Variants in BBX observed in about 807,000 individuals in gnomAD.
The protein encoded by BBX is BBX high mobility group box domain containing.
In BBX, 30 loss-of-function variants were observed where a neutral mutation model predicts 100.2. The ratio of observed to expected loss-of-function variants is 0.30; its 90% CI spans 0.22 to 0.41. BBX has a LOEUF of 0.41. Ranked by LOEUF, BBX falls within the 10% of genes least tolerant of loss-of-function variation. The pLI, the probability that BBX is intolerant of heterozygous loss-of-function variation, is 1.00. For missense variants in BBX, 1,023 were observed against 1,129.8 expected, an observed-to-expected ratio of 0.91 and a Z score of 1.35; for synonymous variants, 376 against 388.1, an observed-to-expected ratio of 0.97 and a Z score of 0.37.
chr3:107,575,168 T>G (rs976303041), intron 2 of BBX, among the ~76,000 whole-genome samples: 15 of 152,230 alleles, frequency 9.9e-5, no homozygotes, highest in Admixed American at 9.2e-4. Context: ...AGAATTTACT[T>G]TCTTTACTTG....
At chr3:107,624,855 C>T (rs1199485932) in intron 2 of BBX, among the ~76,000 whole-genome samples, 1 of 151,992 alleles carries the variant, frequency 6.6e-6, no homozygotes, top group Non-Finnish European at 1.5e-5. Context: ...AGCAACAGAG[C>T]AAGACTCCAT....
intron 3 of BBX, among the ~76,000 whole-genome samples, chr3:107,657,935 T>C (rs961910509): frequency 6.6e-6 from 1 of 152,008 alleles, no homozygotes; most frequent in Non-Finnish European, 1.5e-5. Flanking sequence ...ATCAGATCTG[T>C]GGTGGGAAAA....
At chr3:107,804,214 A>C (rs2070847368) in intron 17 of BBX, among the ~76,000 whole-genome samples, 1 of 152,288 alleles carries the variant, frequency 6.6e-6, no homozygotes, top group Admixed American at 6.5e-5. Flanking sequence ...CAATTTGTCT[A>C]CATTATTTTT....
chr3:107,665,033 T>A (rs570308311), intron 3 of BBX, among the ~76,000 whole-genome samples: 2 of 152,196 alleles, frequency 1.3e-5, no homozygotes, highest in Non-Finnish European at 2.9e-5. Context: ...AATGGGTACT[T>A]CGTGTTTTAT....
chr3:107,676,564 C>A (rs995858931), intron 3 of BBX, among the ~76,000 whole-genome samples: 2 of 152,142 alleles, frequency 1.3e-5, no homozygotes, highest in African/African-American at 2.4e-5. Context: ...TGATGCTAAT[C>A]TTTTATCATC....
intron 2 of BBX, among the ~76,000 whole-genome samples, chr3:107,570,891 G>T (rs1355568459): frequency 6.6e-6 from 1 of 152,094 alleles, no homozygotes; most frequent in Non-Finnish European, 1.5e-5. Flanking sequence ...CTGATGTGTA[G>T]TAAAGAATGC....
chr3:107,751,742 G>T (rs545617577), intron 9 of BBX, among the ~76,000 whole-genome samples: 18 of 151,226 alleles, frequency 1.2e-4, no homozygotes, highest in African/African-American at 4.1e-4. Flanking sequence ...ACAGACTGCA[G>T]GGACAGTTTC....
chr3:107,549,494 G>A (rs927888910), intron 2 of BBX, among the ~76,000 whole-genome samples: 5 of 152,148 alleles, frequency 3.3e-5, no homozygotes, highest in Non-Finnish European at 7.4e-5. Context: ...CAAAGATAGC[G>A]AACAGTGTGC....
At chr3:107,595,803 C>T (rs1399240545) in intron 2 of BBX, among the ~76,000 whole-genome samples, 3 of 152,126 alleles carry the variant, frequency 2.0e-5, no homozygotes, top group Non-Finnish European at 2.9e-5. Flanking sequence ...TTGAACAACA[C>T]GGGGTTTAAC....
At chr3:107,718,276 T>G (rs896849539) in intron 5 of BBX, among the ~76,000 whole-genome samples, 1 of 145,202 alleles carries the variant, frequency 6.9e-6, no homozygotes, top group Non-Finnish European at 1.5e-5. Context: ...GATTATAATA[T>G]GATTGTTAAT....
chr3:107,586,997 T>A (rs368725302), intron 2 of BBX, among the ~76,000 whole-genome samples: 8 of 151,950 alleles, frequency 5.3e-5, no homozygotes, highest in African/African-American at 1.9e-4. Context: ...GTGATCCATC[T>A]CTCTCGGCCT....
intron 3 of BBX, among the ~76,000 whole-genome samples, chr3:107,666,816 C>T (rs776104969): frequency 2.0e-4 from 30 of 152,126 alleles, no homozygotes; most frequent in Non-Finnish European, 3.1e-4. Context: ...ATGATCCACC[C>T]GCCTCGGCCT....
At chr3:107,720,467 G>C (rs2062451804) in intron 5 of BBX, among the ~76,000 whole-genome samples, 1 of 151,956 alleles carries the variant, frequency 6.6e-6, no homozygotes, top group Non-Finnish European at 1.5e-5. Flanking sequence ...AAAAGGGTAA[G>C]AGTAGAAGTG....
chr3:107,549,307 G>A (rs1225238488), intron 2 of BBX, among the ~76,000 whole-genome samples: 1 of 152,004 alleles, frequency 6.6e-6, no homozygotes. Context: ...CTTTCTAGTG[G>A]GGGAAAACAG....
At chr3:107,555,437 T>C (rs921213495) in intron 2 of BBX, among the ~76,000 whole-genome samples, 3 of 152,166 alleles carry the variant, frequency 2.0e-5, no homozygotes, top group Admixed American at 1.3e-4. Context: ...AGAAAAAGCT[T>C]GGAGAGTGCT....
At chr3:107,554,103 C>T (rs771760444) in intron 2 of BBX, among the ~76,000 whole-genome samples, 26 of 151,992 alleles carry the variant, frequency 1.7e-4, no homozygotes, top group African/African-American at 2.4e-4. Context: ...AAATTGAATA[C>T]GCGTGTAGAG....
At chr3:107,655,511 A>ATT (rs35368803) in intron 3 of BBX, among the ~76,000 whole-genome samples, 13,480 of 117,428 alleles carry the variant, frequency 0.11, 1,021 homozygotes, top group Non-Finnish European at 0.17. Flanking sequence ...ATGATAATTA[A>ATT]TTTTTTTTTT....
chr3:107,668,175 C>T (rs1421577796), intron 3 of BBX, among the ~76,000 whole-genome samples: 2 of 152,174 alleles, frequency 1.3e-5, no homozygotes. Context: ...TTGAAAATTA[C>T]TAAATATGGT....
chr3:107,627,476 C>T (rs2056264099), intron 2 of BBX, among the ~76,000 whole-genome samples: 1 of 152,116 alleles, frequency 6.6e-6, no homozygotes, highest in African/African-American at 2.4e-5. Flanking sequence ...TAGGTAGTAG[C>T]AATTAGTTTT....
Sources: gnomAD v4.1 joint callset for allele counts (sites outside exome capture counted in the v4.1 genomes callset) on GRCh38, gnomAD v4.1.1 for gene constraint, MANE v1.5 for transcripts, NCBI Gene and HGNC (gene_info 2026-07-23, HGNC 2026-07-21) for gene names.